The following PTPN14 variants were observed in gnomAD, a reference collection of about 807,000 sequenced individuals.
The protein encoded by PTPN14 is protein tyrosine phosphatase non-receptor type 14.
Under a neutral mutation model 126.8 loss-of-function variants are expected in PTPN14, and 53 were observed. The ratio of observed to expected loss-of-function variants is 0.42; its 90% CI spans 0.34 to 0.53. The LOEUF (loss-of-function observed/expected upper bound fraction) is 0.53, where lower values mean the gene tolerates loss of function less well. Among genes scored for constraint, PTPN14 ranks in the 20% least tolerant of loss-of-function variants. PTPN14 has a pLI of 0.08. For missense variants in PTPN14, 1,257 were observed against 1,552.9 expected, an observed-to-expected ratio of 0.81 and a Z score of 3.20; for synonymous variants, 630 against 599.3, an observed-to-expected ratio of 1.05 and a Z score of -0.75.
At position 214,470,640 on chromosome 1, in the gene PTPN14, C is replaced by T. The variant is rs1200637625; in HGVS notation, c.-154-5683G>A. ...GCTACTAAAAATACAAAAAATTAGC[C>T]GGGTGTGGTGGCAGATGCCCGTAAT... On this transcript the variant is annotated intron_variant, in intron 1 of 18. Transcript: ENST00000366956. 4.6e-5 allele frequency among the ~76,000 whole-genome samples: 7 copies of T among 151,502 alleles called. No homozygotes were observed. The East Asian group carries it at 7.9e-4, about 17-fold the overall frequency.
rs191909625 is a variant in PTPN14 at position 214,424,169 on chromosome 1, G to A, written c.345-9443C>T. 2.2e-3 allele frequency among the ~76,000 whole-genome samples: 335 copies of A among 151,762 alleles called. 2 individuals are homozygous for A. Among genetic ancestry groups the A allele is most frequent in the Middle Eastern group, 0.01 (3 of 294 alleles). On this transcript the variant is annotated intron_variant, in intron 3 of 18. Transcript: ENST00000366956. ...AAAGTAGCTGGGTGTGGTGGCGGGC[G>A]CCTGTAATCCCAGCTACTCAGGAGG...
intron 1 of PTPN14, among the ~76,000 whole-genome samples, chr1:214,475,230 A>G (rs1270188555): frequency 2.0e-5 from 3 of 152,240 alleles, no homozygotes; most frequent in Non-Finnish European, 4.4e-5. Flanking sequence ...CTCACTAAAA[A>G]GGGTCAGAAT....
rs1472441 is a variant in PTPN14, at chr1:214,353,909, G to A, written c.*4013C>T. 98,348 of 152,216 alleles carry A rather than the reference G, an allele frequency of 0.65. 33,212 individuals carry two copies. The highest frequency in any genetic ancestry group is 0.84 in the African/African-American group (35,096 of 41,540). 9.4% of individuals were successfully genotyped at this position (152,216 alleles called of 1,614,324 possible). On this transcript the variant is annotated 3_prime_UTR_variant, in exon 19 of 19. Coordinates refer to ENST00000366956, the MANE Select transcript of PTPN14 (RefSeq NM_005401.5). ...GGGAAGATATAGGTGATCCATGCGA[G>A]TACTGTCTATTTGCAGAAAATATGG...
chr1:214,506,542 T>C (rs541913186), intron 1 of PTPN14, among the ~76,000 whole-genome samples: 3 of 152,192 alleles, frequency 2.0e-5, no homozygotes, highest in East Asian at 1.9e-4. Context: ...AATAAATAAA[T>C]ATAAAAACTA....
intron 1 of PTPN14, among the ~76,000 whole-genome samples, chr1:214,485,438 A>T (rs937162962): frequency 6.6e-6 from 1 of 152,248 alleles, no homozygotes; most frequent in African/African-American, 2.4e-5. Flanking sequence ...AATTTTGGGA[A>T]ATCTGTGATA....
intron 4 of PTPN14, among the ~76,000 whole-genome samples, chr1:214,412,087 C>T (rs1276645047): frequency 6.6e-6 from 1 of 152,120 alleles, no homozygotes; most frequent in Non-Finnish European, 1.5e-5. Flanking sequence ...GCCAAGAGGA[C>T]TTTTTAACTC....
Position 214,401,698 on chromosome 1 carries a change from A to G in PTPN14, c.656T>C (p.Ile219Thr). The change falls in exon 7 of 19, where the codon ATC becomes ACC. Residue 219 changes from isoleucine (I) to threonine (T), a missense_variant. Ile to Thr is a moderately conservative substitution (Grantham distance 89, BLOSUM62 -1). Transcript: ENST00000366956. ...VERLDGFGQE[I>T]FPVKDNHGNC... Reference sequence around the variant, plus strand: ...ACAGCATATTACCTTTACAGGGAAGATTTCCTGTCCAAATCCATCCAAACG... The same window carrying G: ...ACAGCATATTACCTTTACAGGGAAGGTTTCCTGTCCAAATCCATCCAAACG... 1.3e-6 allele frequency: 2 copies of G among 1,577,852 alleles called. No homozygotes were observed. Among genetic ancestry groups the G allele is most frequent in the Non-Finnish European group, 1.7e-6 (2 of 1,148,080 alleles).
chr1:214,471,428 T>C (rs10864104), intron 1 of PTPN14, among the ~76,000 whole-genome samples: 43,027 of 152,102 alleles, frequency 0.28, 6,971 homozygotes, highest in Non-Finnish European at 0.36. Context: ...ATGAAGTTAA[T>C]ACATACCCTA....
At chr1:214,490,746 A>T (rs1661211088) in intron 1 of PTPN14, among the ~76,000 whole-genome samples, 1 of 150,114 alleles carries the variant, frequency 6.7e-6, no homozygotes, top group South Asian at 2.1e-4. Context: ...CTACAGCAGA[A>T]GAATCACTTG....
At position 214,424,419 on chromosome 1, in the gene PTPN14, T is replaced by C. The variant is rs184458876; in HGVS notation, c.345-9693A>G. On this transcript the variant is annotated intron_variant, in intron 3 of 18. Transcript: ENST00000366956. ...ATCAGAAATAGCAAAATAGGGGCTA[T>C]CTGCTCAGAAGTCAGCAATATGAGA... 1.7e-3 allele frequency among the ~76,000 whole-genome samples: 264 copies of C among 152,286 alleles called. 2 individuals are homozygous for C. Among genetic ancestry groups the C allele is most frequent in the South Asian group, 0.012 (57 of 4,824 alleles).
intron 8 of PTPN14, 141 bp downstream of exon 8, chr1:214,397,772 G>A (rs542202716): frequency 1.6e-6 from 1 of 623,162 alleles, no homozygotes; most frequent in East Asian, 2.9e-5. Flanking sequence ...AAATCCTGCA[G>A]AGGGCTCACC....
intron 1 of PTPN14, among the ~76,000 whole-genome samples, chr1:214,476,725 C>T (rs1246852652): frequency 6.6e-6 from 1 of 152,212 alleles, no homozygotes; most frequent in African/African-American, 2.4e-5. Context: ...GCCACTTACA[C>T]ACTGCATAAC....
chr1:214,350,875 T>G lies in PTPN14; in HGVS notation c.*7047A>C, dbSNP rs937277360. 3 of 152,046 alleles carry G rather than the reference T, an allele frequency of 2.0e-5. No homozygotes were observed. The highest frequency in any genetic ancestry group is 7.2e-5 in the African/African-American group (3 of 41,486). The allele number at this position is 152,046 out of a possible 1,614,324, so 9.4% of individuals were successfully genotyped here. A position where few individuals can be genotyped will look rare whatever the true frequency, so the allele number is the denominator to read the frequency against. ...CCACATCTGGCCATTTGCCAGATCT[T>G]ATTCTTTGAAACTATACAAGCAATT... On this transcript the variant is annotated 3_prime_UTR_variant, in exon 19 of 19. Coordinates refer to ENST00000366956, the MANE Select transcript of PTPN14 (RefSeq NM_005401.5).
chr1:214,432,080 A>G (rs1659809166), intron 3 of PTPN14, among the ~76,000 whole-genome samples: 1 of 152,084 alleles, frequency 6.6e-6, no homozygotes, highest in Non-Finnish European at 1.5e-5. Context: ...AGCTACACCC[A>G]GGCTGAGGTA....
At position 214,384,930 on chromosome 1, in the gene PTPN14, G is replaced by A. The variant is rs1198571160; in HGVS notation, c.1067-142C>T. 1.6e-5 allele frequency: 15 copies of A among 963,150 alleles called. No homozygotes were observed. Among genetic ancestry groups the A allele is most frequent in the Non-Finnish European group, 2.1e-5 (14 of 657,958 alleles). The allele number at this position is 963,150 out of a possible 1,614,324, so 59.7% of individuals were successfully genotyped here. On this transcript the variant is annotated intron_variant, in intron 12 of 18. Coordinates refer to ENST00000366956, the MANE Select transcript of PTPN14 (RefSeq NM_005401.5). This position sits in a 1 kb window ranked among gnomAD's most constrained non-coding sequence, Gnocchi z 5.3. ...ATGGTCTCCACCCACATGTTCTATAGAATAACAGATACTATCTTGGATGAA... is the reference window on the plus strand; with the variant it reads ...ATGGTCTCCACCCACATGTTCTATAAAATAACAGATACTATCTTGGATGAA...
At position 214,449,011 on chromosome 1, in the gene PTPN14, C is replaced by T. The variant is rs12727828; in HGVS notation, c.344+2794G>A. ...TGTGCCCTTGTAAGACTTAATTTTT[C>T]TTTTTTTTTTTTTGAGACGGAGTCT... On this transcript the variant is annotated intron_variant, in intron 3 of 18. Coordinates refer to ENST00000366956, the MANE Select transcript of PTPN14 (RefSeq NM_005401.5). Among the ~76,000 whole-genome samples the T allele has an allele frequency of 7.5e-4, 84 of 112,400 alleles. 1 individual carries two copies. Among genetic ancestry groups the T allele is most frequent in the East Asian group, 9.1e-4 (3 of 3,312 alleles). 73.7% of individuals were successfully genotyped at this position (112,400 alleles called of 152,430 possible).
In PTPN14 at chr1:214,384,009, C is replaced by T. The variant is rs779235554; in HGVS notation, c.1846G>A (p.Val616Met). ...VKTFQEDSSP[V>M]VHQSLQEVSE... ...ACCTCCTGGAGAGACTGATGAACCA[C>T]CGGAGAGCTGTCCTCTTGGAAGGTC... The change falls in exon 13 of 19, where the codon GTG becomes ATG. Residue 616 changes from valine (V) to methionine (M), a missense_variant. By Grantham distance (21) the Val-to-Met change is conservative. Coordinates refer to ENST00000366956, the MANE Select transcript of PTPN14 (RefSeq NM_005401.5). This position sits in a 1 kb window ranked among gnomAD's most constrained non-coding sequence, Gnocchi z 5.3. 32 of 1,606,240 alleles carry T rather than the reference C, an allele frequency of 2.0e-5. No individual in the cohort carries two copies. The Admixed American group carries it at 4.5e-4, about 23-fold the overall frequency.
chr1:214,503,542 A>C (rs1654760002), intron 1 of PTPN14, among the ~76,000 whole-genome samples: 1 of 152,226 alleles, frequency 6.6e-6, no homozygotes, highest in Non-Finnish European at 1.5e-5. Context: ...TTTCACTTCA[A>C]ATCTCGGTAC....
At chr1:214,392,711 A>C (rs538310728) in intron 10 of PTPN14, among the ~76,000 whole-genome samples, 1 of 152,252 alleles carries the variant, frequency 6.6e-6, no homozygotes, top group South Asian at 2.1e-4. Context: ...CACATTTGCA[A>C]ACCAAGCAGG....
Sources: gnomAD v4.1 joint callset for allele counts (sites outside exome capture counted in the v4.1 genomes callset) on GRCh38, gnomAD v4.1.1 for gene constraint, Gnocchi (gnomAD v3.1) non-coding constraint, MANE v1.5 for transcripts, NCBI Gene and HGNC (gene_info 2026-07-23, HGNC 2026-07-21) for gene names.